Variants in GALNT13 observed in about 807,000 individuals in gnomAD.
GALNT13 encodes polypeptide N-acetylgalactosaminyltransferase 13.
GALNT13 carries 28 observed loss-of-function variants against 64.2 expected under a neutral mutation model. The observed-to-expected ratio is 0.44, with a 90% CI of 0.32 to 0.60. The LOEUF is 0.60. GALNT13 is among the 20% of genes least tolerant of loss of function. The pLI, the probability that GALNT13 is intolerant of heterozygous loss-of-function variation, is 0.05. For missense variants in GALNT13, 577 were observed against 669.8 expected (o/e 0.86, Z 1.53); for synonymous variants, 214 against 224.6 (o/e 0.95, Z 0.42).
At chr2:154,415,654 A>G (rs1699977932) in intron 11 of GALNT13, among the ~76,000 whole-genome samples, 1 of 152,152 alleles carries the variant, frequency 6.6e-6, no homozygotes, top group African/African-American at 2.4e-5. Flanking sequence ...AATTGAATCT[A>G]ATCTTATGAC....
chr2:154,291,702 C>T (rs1692647619), intron 8 of GALNT13, among the ~76,000 whole-genome samples: 1 of 152,214 alleles, frequency 6.6e-6, no homozygotes, highest in Non-Finnish European at 1.5e-5. Flanking sequence ...CTGGCCAGAC[C>T]AGGGAGCTGG....
intron 9 of GALNT13, among the ~76,000 whole-genome samples, chr2:154,367,891 T>A (rs1697460716): frequency 6.6e-6 from 1 of 152,116 alleles, no homozygotes. Flanking sequence ...TCATGGGAAA[T>A]GGGAATACTG....
At chr2:154,369,193 T>C (rs1697542751) in intron 9 of GALNT13, among the ~76,000 whole-genome samples, 1 of 152,094 alleles carries the variant, frequency 6.6e-6, no homozygotes, top group African/African-American at 2.4e-5. Context: ...TGGTTTCAGA[T>C]GACACTAAGT....
chr2:154,211,608 A>G (rs1687767786), intron 4 of GALNT13, among the ~76,000 whole-genome samples: 1 of 146,458 alleles, frequency 6.8e-6, no homozygotes, highest in South Asian at 2.2e-4. Flanking sequence ...AGCCTGGGCA[A>G]CAAGAGCGAA....
At chr2:154,417,634 C>A (rs936037407) in intron 11 of GALNT13, among the ~76,000 whole-genome samples, 21 of 151,804 alleles carry the variant, frequency 1.4e-4, no homozygotes, top group African/African-American at 4.3e-4. Flanking sequence ...CCTCAGCCCC[C>A]CCGAGTAGCT....
intron 9 of GALNT13, among the ~76,000 whole-genome samples, chr2:154,385,556 A>G (rs1355043015): frequency 6.6e-6 from 1 of 152,042 alleles, no homozygotes; most frequent in African/African-American, 2.4e-5. Context: ...AAGTTATTTA[A>G]CCATTCAAAG....
intron 9 of GALNT13, among the ~76,000 whole-genome samples, chr2:154,372,862 T>C (rs2348925): frequency 0.61 from 93,266 of 151,720 alleles, 29,280 homozygotes; most frequent in Admixed American, 0.67. Flanking sequence ...ACCTAAATCA[T>C]GAAAATTGTA....
chr2:153,299,931 C>T, the GALNT13 span, among the ~76,000 whole-genome samples: 5 of 152,170 alleles, frequency 3.3e-5, no homozygotes, highest in African/African-American at 1.2e-4. Flanking sequence ...TGCCTTATCA[C>T]CCACTAACAT....
the GALNT13 span, among the ~76,000 whole-genome samples, chr2:153,665,622 GT>G: frequency 1.3e-5 from 2 of 152,090 alleles, no homozygotes; most frequent in African/African-American, 4.8e-5. Flanking sequence ...TAAAAAGGGG[GT>G]GAACAAATGG....
the GALNT13 span, among the ~76,000 whole-genome samples, chr2:153,682,099 A>G: frequency 1.6e-4 from 24 of 151,722 alleles, no homozygotes; most frequent in Non-Finnish European, 2.5e-4. Context: ...ACCATGTGCT[A>G]TTTGACTTTG....
the GALNT13 span, among the ~76,000 whole-genome samples, chr2:153,277,076 C>G: frequency 3.9e-5 from 6 of 152,032 alleles, no homozygotes; most frequent in African/African-American, 7.2e-5. Context: ...ATTTTTGATT[C>G]AAGAGGTACA....
chr2:153,224,401 A>G, the GALNT13 span, among the ~76,000 whole-genome samples: 3 of 152,196 alleles, frequency 2.0e-5, no homozygotes, highest in Admixed American at 1.3e-4. Context: ...TGAGTGGATG[A>G]CAAGATCATT....
chr2:153,188,517 T>C, the GALNT13 span, among the ~76,000 whole-genome samples: 1 of 152,166 alleles, frequency 6.6e-6, no homozygotes, highest in Non-Finnish European at 1.5e-5. Flanking sequence ...ATTCTCTCCA[T>C]GGAAGAAACG....
the GALNT13 span, among the ~76,000 whole-genome samples, chr2:153,138,899 T>G: frequency 2.0e-5 from 3 of 152,062 alleles, no homozygotes; most frequent in Non-Finnish European, 4.4e-5. Flanking sequence ...GGGTTGAGTA[T>G]GTGCTCAAAG....
intron 9 of GALNT13, among the ~76,000 whole-genome samples, chr2:154,318,884 C>T (rs1372498056): frequency 6.6e-6 from 1 of 151,982 alleles, no homozygotes; most frequent in Non-Finnish European, 1.5e-5. Context: ...CGCGCGCGCA[C>T]ACACACGCAC....
the GALNT13 span, among the ~76,000 whole-genome samples, chr2:153,305,456 GT>G: frequency 6.6e-6 from 1 of 152,156 alleles, no homozygotes; most frequent in Admixed American, 6.6e-5. Flanking sequence ...ATTTCGAAGT[GT>G]TTTATTTGTA....
upstream of GALNT13, among the ~76,000 whole-genome samples, chr2:153,867,458 A>G (rs988078854): frequency 9.9e-5 from 15 of 152,116 alleles, no homozygotes; most frequent in African/African-American, 3.4e-4. Context: ...CACCTGACGT[A>G]AATACACACC....
intron 11 of GALNT13, among the ~76,000 whole-genome samples, chr2:154,432,617 C>A (rs1305395234): frequency 2.0e-5 from 3 of 152,164 alleles, no homozygotes; most frequent in Non-Finnish European, 2.9e-5. Flanking sequence ...AAGGGAGAAT[C>A]ATCTTTTTCC....
At chr2:153,490,757 C>T in the GALNT13 span, among the ~76,000 whole-genome samples, 1 of 151,986 alleles carries the variant, frequency 6.6e-6, no homozygotes, top group East Asian at 1.9e-4. Context: ...GTCAGAAGTT[C>T]AAGACCAGGC....
Sources: allele counts gnomAD v4.1 joint callset (sites outside exome capture counted in the v4.1 genomes callset), GRCh38; gene constraint gnomAD v4.1.1; transcripts MANE v1.5; gene names NCBI Gene and HGNC (gene_info 2026-07-23, HGNC 2026-07-21).